The following DLG2 variants were observed in gnomAD, a reference collection of about 807,000 sequenced individuals.
The protein encoded by DLG2 is disks large homolog 2.
In DLG2, 45 loss-of-function variants were observed where a neutral mutation model predicts 132.5. That is an observed-to-expected ratio of 0.34 (90% CI 0.27 to 0.44). The LOEUF is 0.44. Ranked by LOEUF, DLG2 falls within the 20% of genes least tolerant of loss-of-function variation. DLG2 has a pLI of 1.00. For synonymous variants in DLG2, 424 were observed against 419.6 expected, an observed-to-expected ratio of 1.01 and a Z score of -0.13; for missense variants, 1,045 against 1,196.9, an observed-to-expected ratio of 0.87 and a Z score of 1.87.
intron 9 of DLG2, among the ~76,000 whole-genome samples, chr11:84,147,681 A>G (rs1566703162): frequency 1.3e-5 from 2 of 152,252 alleles, no homozygotes; most frequent in East Asian, 3.9e-4. Flanking sequence ...ATATATTAAT[A>G]ATTGGGCATA....
chr11:84,380,320 A>G (rs1262768651), intron 7 of DLG2, among the ~76,000 whole-genome samples: 1 of 152,022 alleles, frequency 6.6e-6, no homozygotes, highest in Non-Finnish European at 1.5e-5. Flanking sequence ...TTCTTTTCAA[A>G]TATACATGGA....
At chr11:83,995,632 G>A (rs915346174) in intron 11 of DLG2, among the ~76,000 whole-genome samples, 2 of 152,090 alleles carry the variant, frequency 1.3e-5, no homozygotes, top group Non-Finnish European at 2.9e-5. Context: ...CAGACACATA[G>A]ACAAAGGTAA....
intron 7 of DLG2, among the ~76,000 whole-genome samples, chr11:84,271,986 C>T (rs1243118783): frequency 2.1e-5 from 3 of 142,886 alleles, no homozygotes; most frequent in Non-Finnish European, 3.1e-5. Context: ...AGAGAAGTCT[C>T]ATAAACATAG....
At chr11:83,939,330 C>G (rs1591460268) in intron 14 of DLG2, among the ~76,000 whole-genome samples, 2 of 152,252 alleles carry the variant, frequency 1.3e-5, no homozygotes, top group Non-Finnish European at 2.9e-5. Flanking sequence ...ATTGTTTAAG[C>G]TGGGTATCCC....
At chr11:84,548,958 G>A (rs1357274171) in intron 6 of DLG2, among the ~76,000 whole-genome samples, 3 of 152,162 alleles carry the variant, frequency 2.0e-5, no homozygotes, top group African/African-American at 4.8e-5. Context: ...ATATTTCTTT[G>A]AGGAATAAAA....
At chr11:83,835,647 C>G (rs2154006354) in intron 16 of DLG2, among the ~76,000 whole-genome samples, 1 of 152,264 alleles carries the variant, frequency 6.6e-6, no homozygotes, top group South Asian at 2.1e-4. Flanking sequence ...TGCTGAATAA[C>G]AAGTTACCAC....
intron 9 of DLG2, among the ~76,000 whole-genome samples, chr11:84,149,646 T>A (rs2095226737): frequency 6.6e-6 from 1 of 152,210 alleles, no homozygotes. Context: ...AATCAGGTAA[T>A]GTGATGCCTC....
chr11:83,726,106 A>AT (rs1315928089), intron 18 of DLG2, among the ~76,000 whole-genome samples: 5 of 152,334 alleles, frequency 3.3e-5, no homozygotes, highest in East Asian at 1.9e-4. Flanking sequence ...TAAATGTTTT[A>AT]TTTTTTAAAA....
intron 7 of DLG2, among the ~76,000 whole-genome samples, chr11:84,487,073 CAT>C (rs1390442938): frequency 1.3e-5 from 2 of 152,078 alleles, no homozygotes; most frequent in African/African-American, 4.8e-5. Context: ...GTCTAGCGGT[CAT>C]AGTTAACTTA....
At chr11:85,321,153 T>G (rs1380666141) in intron 3 of DLG2, among the ~76,000 whole-genome samples, 1 of 151,914 alleles carries the variant, frequency 6.6e-6, no homozygotes, top group Non-Finnish European at 1.5e-5. Context: ...TGGATATATT[T>G]TGAAGATAGG....
chr11:85,123,487 G>T (rs1191936068), intron 5 of DLG2, among the ~76,000 whole-genome samples: 1 of 152,122 alleles, frequency 6.6e-6, no homozygotes, highest in East Asian at 1.9e-4. Context: ...GGGGCTGTGG[G>T]AGATTTAGGA....
At chr11:84,352,483 T>C (rs1340521141) in intron 7 of DLG2, among the ~76,000 whole-genome samples, 1 of 152,212 alleles carries the variant, frequency 6.6e-6, no homozygotes, top group East Asian at 1.9e-4. Flanking sequence ...TTTTGTAATA[T>C]ATCAACTTGG....
At chr11:85,423,027 T>C (rs1205465581) in intron 3 of DLG2, among the ~76,000 whole-genome samples, 1 of 152,132 alleles carries the variant, frequency 6.6e-6, no homozygotes, top group East Asian at 1.9e-4. Context: ...TGTTTTGTCA[T>C]GTTACTAGAG....
chr11:84,731,730 GC>G (rs1417872541), intron 6 of DLG2, among the ~76,000 whole-genome samples: 1 of 151,922 alleles, frequency 6.6e-6, no homozygotes, highest in Non-Finnish European at 1.5e-5. Flanking sequence ...TATTCTAAAA[GC>G]CTTAGGAAAC....
intron 4 of DLG2, among the ~76,000 whole-genome samples, chr11:85,165,987 A>ACT: frequency 6.6e-6 from 1 of 152,000 alleles, no homozygotes; most frequent in Admixed American, 6.6e-5. Context: ...TTTACTGCCC[A>ACT]CTCATCCTTT....
chr11:83,853,385 C>T (rs1408130334), intron 16 of DLG2, among the ~76,000 whole-genome samples: 1 of 152,128 alleles, frequency 6.6e-6, no homozygotes, highest in African/African-American at 2.4e-5. Context: ...AATTATCACA[C>T]TCTATCTTTT....
At chr11:83,931,985 CTTG>C (rs2080327505) in intron 14 of DLG2, among the ~76,000 whole-genome samples, 1 of 152,142 alleles carries the variant, frequency 6.6e-6, no homozygotes, top group Admixed American at 6.5e-5. Flanking sequence ...TATTTATTTA[CTTG>C]TTATTTTGTA....
At chr11:83,859,906 G>A (rs537038835) in intron 16 of DLG2, among the ~76,000 whole-genome samples, 1 of 152,160 alleles carries the variant, frequency 6.6e-6, no homozygotes, top group Non-Finnish European at 1.5e-5. Flanking sequence ...CTCCAACCAT[G>A]ACTAAAAGGG....
intron 3 of DLG2, among the ~76,000 whole-genome samples, chr11:85,490,382 G>A (rs184616686): frequency 9.2e-5 from 14 of 151,756 alleles, no homozygotes; most frequent in African/African-American, 3.4e-4. Context: ...TGAACAACTA[G>A]TTCAAGGAAC....
Sources: gnomAD v4.1 joint callset for allele counts (sites outside exome capture counted in the v4.1 genomes callset) on GRCh38, gnomAD v4.1.1 for gene constraint, MANE v1.5 for transcripts, NCBI Gene and HGNC (gene_info 2026-07-23, HGNC 2026-07-21) for gene names.